Variants in MAPKAP1 observed in about 807,000 individuals in gnomAD.
The protein encoded by MAPKAP1 is target of rapamycin complex 2 subunit MAPKAP1.
In MAPKAP1, 20 loss-of-function variants were observed where a neutral mutation model predicts 65.7. The ratio of observed to expected loss-of-function variants is 0.30; its 90% CI spans 0.21 to 0.44. The LOEUF (loss-of-function observed/expected upper bound fraction) is 0.44. MAPKAP1 is among the 20% of genes least tolerant of loss of function. MAPKAP1 has a pLI of 1.00. For missense variants in MAPKAP1, 423 were observed against 648.0 expected, an observed-to-expected ratio of 0.65 and a Z score of 3.77; for synonymous variants, 222 against 244.3, an observed-to-expected ratio of 0.91 and a Z score of 0.85.
At chr9:125,577,745 C>A in intron 5 of MAPKAP1, among the ~76,000 whole-genome samples, 1 of 137,852 alleles carries the variant, frequency 7.3e-6, no homozygotes, top group African/African-American at 2.7e-5. Flanking sequence ...CTCTGCCTGG[C>A]CGCCCCTACT....
At chr9:125,593,279 G>A (rs894183415) in intron 4 of MAPKAP1, among the ~76,000 whole-genome samples, 1 of 152,134 alleles carries the variant, frequency 6.6e-6, no homozygotes, top group Admixed American at 6.5e-5. Context: ...ACTCCAACCT[G>A]GGTGACAGAG....
intron 8 of MAPKAP1, among the ~76,000 whole-genome samples, chr9:125,490,576 AC>A (rs912107777): frequency 9.9e-5 from 15 of 152,132 alleles, no homozygotes; most frequent in South Asian, 2.1e-4. Flanking sequence ...CAACAAAAAA[AC>A]AACAACAAAA....
intron 1 of MAPKAP1, among the ~76,000 whole-genome samples, chr9:125,690,041 T>C (rs933431264): frequency 2.0e-5 from 3 of 152,050 alleles, no homozygotes; most frequent in Middle Eastern, 3.2e-3. Context: ...TGAGCCTAGA[T>C]TGCGCCATTG....
intron 7 of MAPKAP1, chr9:125,521,765 C>T (rs1829624790): frequency 1.9e-6 from 3 of 1,612,474 alleles, no homozygotes; most frequent in South Asian, 2.2e-5. Context: ...GTCACAAGCA[C>T]CTAAGGACAA....
At chr9:125,671,714 T>C (rs1834502517) in intron 2 of MAPKAP1, among the ~76,000 whole-genome samples, 1 of 152,050 alleles carries the variant, frequency 6.6e-6, no homozygotes. Context: ...CAAAGTTGAG[T>C]GTTTTCAAGC....
intron 4 of MAPKAP1, among the ~76,000 whole-genome samples, chr9:125,648,115 G>A (rs1331950127): frequency 2.6e-5 from 4 of 151,578 alleles, no homozygotes; most frequent in African/African-American, 4.8e-5. Flanking sequence ...TTTTGTTTTC[G>A]CCATAACAAC....
intron 4 of MAPKAP1, among the ~76,000 whole-genome samples, chr9:125,622,500 C>T (rs556776686): frequency 2.0e-5 from 3 of 152,196 alleles, no homozygotes; most frequent in Admixed American, 6.5e-5. Flanking sequence ...GGCTGGAGTG[C>T]AGTGGCGTGA....
rs1226304172 is a variant in MAPKAP1 at position 125,672,169 on chromosome 9, T to C, written c.259+147A>G. ...GCAGTCGCAGAGATGGAGATGTTGC[T>C]CAGACTCACTCTTAGTCTGACATAT... On this transcript the variant is annotated intron_variant, in intron 2 of 11. Coordinates refer to ENST00000265960, the MANE Select transcript of MAPKAP1 (RefSeq NM_001006617.3). The C allele has an allele frequency of 6.1e-6, 5 of 820,050 alleles. No individual in the cohort carries two copies. The East Asian group carries it at 8.0e-5, about 13-fold the overall frequency. 50.8% of individuals were successfully genotyped at this position (820,050 alleles called of 1,614,324 possible).
chr9:125,579,570 G>A (rs1277047852), intron 5 of MAPKAP1, among the ~76,000 whole-genome samples: 1 of 152,200 alleles, frequency 6.6e-6, no homozygotes, highest in African/African-American at 2.4e-5. Flanking sequence ...TGGGATTACA[G>A]GTGTGAGCAA....
intron 9 of MAPKAP1, among the ~76,000 whole-genome samples, chr9:125,482,583 G>A (rs1352863874): frequency 6.6e-6 from 1 of 152,166 alleles, no homozygotes; most frequent in Non-Finnish European, 1.5e-5. Flanking sequence ...AAGAGCTACA[G>A]TTAAGTCCTC....
At position 125,618,341 on chromosome 9, in the gene MAPKAP1, C is replaced by CAAAAAAAAAAAAAA. The variant is rs60166871; in HGVS notation, c.499-32628_499-32615dup. Among the ~76,000 whole-genome samples the CAAAAAAAAAAAAAA allele has an allele frequency of 5.1e-4, 16 of 31,220 alleles. 3 individuals carry two copies. Among genetic ancestry groups the CAAAAAAAAAAAAAA allele is most frequent in the Non-Finnish European group, 8.4e-4 (16 of 19,038 alleles). The allele number at this position is 31,220 out of a possible 152,430, so 20.5% of individuals were successfully genotyped here. A position where few individuals can be genotyped will look rare whatever the true frequency, so the allele number is the denominator to read the frequency against. ...TGGGTGACAGAGTGAGGCTCCGTCT[C>CAAAAAAAAAAAAAA]AAAAAAAAAAAAAAAAAAAAAAAAA... On this transcript the variant is annotated intron_variant, in intron 4 of 11. Coordinates refer to ENST00000265960, the MANE Select transcript of MAPKAP1 (RefSeq NM_001006617.3).
At chr9:125,684,609 G>A (rs4838285) in intron 1 of MAPKAP1, among the ~76,000 whole-genome samples, 55,417 of 151,922 alleles carry the variant, frequency 0.36, 10,342 homozygotes, top group Middle Eastern at 0.44. Context: ...GTTTTCTGAA[G>A]TTTTAGTCTA....
intron 6 of MAPKAP1, among the ~76,000 whole-genome samples, chr9:125,545,623 C>A (rs1392117265): frequency 6.6e-6 from 1 of 152,194 alleles, no homozygotes; most frequent in Non-Finnish European, 1.5e-5. Flanking sequence ...TGCCGGCTGA[C>A]AGCATTATTT....
chr9:125,629,478 G>A (rs1833211885), intron 4 of MAPKAP1, among the ~76,000 whole-genome samples: 2 of 152,242 alleles, frequency 1.3e-5, no homozygotes, highest in Non-Finnish European at 2.9e-5. Flanking sequence ...AGGACATGAT[G>A]CTAAGTGAAA....
At chr9:125,462,770 C>T (rs547681238) in intron 10 of MAPKAP1, among the ~76,000 whole-genome samples, 1 of 152,304 alleles carries the variant, frequency 6.6e-6, no homozygotes, top group East Asian at 1.9e-4. Flanking sequence ...AAACTGGATA[C>T]TGAATTAAAC....
intron 7 of MAPKAP1, among the ~76,000 whole-genome samples, chr9:125,517,797 C>A (rs1829504988): frequency 6.6e-6 from 1 of 152,174 alleles, no homozygotes; most frequent in Non-Finnish European, 1.5e-5. Flanking sequence ...CTCTCTGCAG[C>A]CCTGCCTGAA....
chr9:125,646,354 C>T (rs1833725373), intron 4 of MAPKAP1, among the ~76,000 whole-genome samples: 1 of 152,084 alleles, frequency 6.6e-6, no homozygotes, highest in Non-Finnish European at 1.5e-5. Flanking sequence ...TAATACAATG[C>T]CATCAGGAGG....
chr9:125,474,505 C>T (rs540535339), intron 9 of MAPKAP1, among the ~76,000 whole-genome samples: 17 of 152,264 alleles, frequency 1.1e-4, no homozygotes, highest in Admixed American at 8.5e-4. Flanking sequence ...TGATCATTCT[C>T]CTCTGTAAAA....
At chr9:125,604,740 C>T (rs1287240014) in intron 4 of MAPKAP1, among the ~76,000 whole-genome samples, 1 of 152,206 alleles carries the variant, frequency 6.6e-6, no homozygotes, top group Non-Finnish European at 1.5e-5. Flanking sequence ...TGTACGTACT[C>T]GTGCTTGTGT....
Sources: allele counts gnomAD v4.1 joint callset (sites outside exome capture counted in the v4.1 genomes callset), GRCh38; gene constraint gnomAD v4.1.1; transcripts MANE v1.5; gene names NCBI Gene and HGNC (gene_info 2026-07-23, HGNC 2026-07-21).